Variants in STXBP6 observed in about 807,000 individuals in gnomAD.
STXBP6 encodes syntaxin binding protein 6, also known as syntaxin-binding protein 6.
STXBP6 carries 21 observed loss-of-function variants against 26.9 expected under a neutral mutation model. The ratio of observed to expected loss-of-function variants is 0.78; its 90% CI spans 0.55 to 1.12. The LOEUF is 1.12. STXBP6 is among the 50% of genes most tolerant of loss of function. The probability of loss-of-function intolerance (pLI) is 0.00; values close to 1 mark genes in which losing one functional copy is unlikely to be tolerated. For synonymous variants in STXBP6, 97 were observed against 92.6 expected, an observed-to-expected ratio of 1.05 and a Z score of -0.27; for missense variants, 232 against 257.9, an observed-to-expected ratio of 0.90 and a Z score of 0.69.
chr14:24,854,578 C>T (rs1566413169), intron 4 of STXBP6, among the ~76,000 whole-genome samples: 2 of 152,074 alleles, frequency 1.3e-5, no homozygotes, highest in African/African-American at 4.8e-5. Flanking sequence ...GAGCAAACTC[C>T]ACCTAATGAA....
intron 4 of STXBP6, among the ~76,000 whole-genome samples, chr14:24,824,989 C>T (rs557397123): frequency 2.0e-5 from 3 of 152,352 alleles, no homozygotes; most frequent in East Asian, 3.9e-4. Context: ...CTGTGAGTTA[C>T]AGTGCTCCAA....
At chr14:24,930,483 C>T (rs1431308833) in intron 2 of STXBP6, among the ~76,000 whole-genome samples, 2 of 152,128 alleles carry the variant, frequency 1.3e-5, no homozygotes, top group South Asian at 2.1e-4. Flanking sequence ...GGAAGAAATG[C>T]TCTGTACTTG....
intron 2 of STXBP6, among the ~76,000 whole-genome samples, chr14:24,884,554 G>A (rs2070496943): frequency 1.3e-5 from 2 of 152,140 alleles, no homozygotes; most frequent in South Asian, 4.1e-4. Flanking sequence ...CACTGCCTAC[G>A]TGAACCAACC....
chr14:24,969,413 G>A (rs185987587), intron 2 of STXBP6, among the ~76,000 whole-genome samples: 135 of 152,230 alleles, frequency 8.9e-4, no homozygotes, highest in Non-Finnish European at 1.6e-3. Flanking sequence ...ATGTTTGGTA[G>A]GTAACTGATG....
chr14:24,846,909 G>T lies in STXBP6; in HGVS notation c.451+9027C>A, dbSNP rs372323216. Among the ~76,000 whole-genome samples the T allele has an allele frequency of 8.0e-4, 122 of 152,198 alleles. 1 individual carries two copies. The highest frequency in any genetic ancestry group is 2.8e-3 in the African/African-American group (117 of 41,540). On this transcript the variant is annotated intron_variant, in intron 4 of 5. Transcript: ENST00000323944. ...TTTATCATATAATGTGAACAAAAAAGACCATTTTATTTACCCCTTCACTAA... is the reference window on the plus strand; with the variant it reads ...TTTATCATATAATGTGAACAAAAAATACCATTTTATTTACCCCTTCACTAA...
At chr14:24,849,403 T>A (rs1411083798) in intron 4 of STXBP6, among the ~76,000 whole-genome samples, 1 of 152,124 alleles carries the variant, frequency 6.6e-6, no homozygotes, top group African/African-American at 2.4e-5. Flanking sequence ...GTTAAATTGG[T>A]GTCATCCCCC....
chr14:24,878,816 G>A, intron 2 of STXBP6: 1 of 450,024 alleles, frequency 2.2e-6, no homozygotes, highest in South Asian at 1.6e-5. Flanking sequence ...CTTGATATCT[G>A]TGTAAACAGA....
At chr14:24,846,319 C>T (rs1279809656) in intron 4 of STXBP6, among the ~76,000 whole-genome samples, 3 of 152,138 alleles carry the variant, frequency 2.0e-5, no homozygotes, top group Non-Finnish European at 4.4e-5. Context: ...CAATATAACA[C>T]TAATTTTCTA....
At chr14:25,047,527 T>A (rs956882948) in intron 1 of STXBP6, among the ~76,000 whole-genome samples, 1 of 152,242 alleles carries the variant, frequency 6.6e-6, no homozygotes, top group African/African-American at 2.4e-5. Flanking sequence ...GCATGGTCTG[T>A]AGCACCATTA....
chr14:24,878,457 A>G (rs1376977248), intron 2 of STXBP6, among the ~76,000 whole-genome samples: 1 of 152,072 alleles, frequency 6.6e-6, no homozygotes, highest in Non-Finnish European at 1.5e-5. Flanking sequence ...TTAACACTTT[A>G]TCTTTTCCTC....
At chr14:24,944,229 C>T (rs1307005294) in intron 2 of STXBP6, among the ~76,000 whole-genome samples, 1 of 152,136 alleles carries the variant, frequency 6.6e-6, no homozygotes, top group Non-Finnish European at 1.5e-5. Flanking sequence ...GTTCTGCCAC[C>T]GCACGGAAGG....
chr14:24,877,658 C>A (rs1566436277), intron 2 of STXBP6, among the ~76,000 whole-genome samples: 1 of 152,132 alleles, frequency 6.6e-6, no homozygotes, highest in African/African-American at 2.4e-5. Context: ...AAGGATGAAA[C>A]ATGAACTACT....
chr14:24,830,777 A>G (rs1400088746), intron 4 of STXBP6, among the ~76,000 whole-genome samples: 1 of 152,164 alleles, frequency 6.6e-6, no homozygotes, highest in Non-Finnish European at 1.5e-5. Flanking sequence ...AGCAACACGA[A>G]AGAGAGAAGG....
At chr14:24,819,805 C>T (rs939910127) in intron 4 of STXBP6, among the ~76,000 whole-genome samples, 1 of 152,202 alleles carries the variant, frequency 6.6e-6, no homozygotes, top group Non-Finnish European at 1.5e-5. Flanking sequence ...CTGCTCCCAA[C>T]CTTGGATTCT....
At chr14:24,893,124 C>T (rs1386428696) in intron 2 of STXBP6, among the ~76,000 whole-genome samples, 1 of 152,036 alleles carries the variant, frequency 6.6e-6, no homozygotes, top group Non-Finnish European at 1.5e-5. Context: ...ACTCAAATGC[C>T]CAGAGATAGT....
intron 2 of STXBP6, among the ~76,000 whole-genome samples, chr14:24,862,918 C>T (rs186002552): frequency 1.3e-5 from 2 of 152,256 alleles, no homozygotes; most frequent in African/African-American, 4.8e-5. Context: ...TTTAATGCTT[C>T]CATATGCCAA....
intron 2 of STXBP6, among the ~76,000 whole-genome samples, chr14:24,958,891 A>T (rs1348723487): frequency 6.6e-6 from 1 of 152,172 alleles, no homozygotes; most frequent in East Asian, 1.9e-4. Flanking sequence ...ATCAACAAAG[A>T]AGAGTCCTTA....
At chr14:24,957,248 TC>T (rs1383483174) in intron 2 of STXBP6, among the ~76,000 whole-genome samples, 1 of 152,172 alleles carries the variant, frequency 6.6e-6, no homozygotes, top group Non-Finnish European at 1.5e-5. Flanking sequence ...CTTACACCAC[TC>T]CAAAACCTGG....
intron 2 of STXBP6, among the ~76,000 whole-genome samples, chr14:24,879,666 A>G (rs1332696627): frequency 6.6e-6 from 1 of 152,250 alleles, no homozygotes; most frequent in Non-Finnish European, 1.5e-5. Context: ...ACAAGTTGAC[A>G]GAATCCATTT....
Sources: gnomAD v4.1 joint callset for allele counts (sites outside exome capture counted in the v4.1 genomes callset) on GRCh38, gnomAD v4.1.1 for gene constraint, MANE v1.5 for transcripts, NCBI Gene and HGNC (gene_info 2026-07-23, HGNC 2026-07-21) for gene names.